The following LYPD3 variants were observed in gnomAD, a reference collection of about 807,000 sequenced individuals.
LYPD3 encodes LY6/PLAUR domain containing 3.
A neutral mutation model predicts 21.7 loss-of-function variants in LYPD3; 22 were observed. That is an observed-to-expected ratio of 1.01 (90% CI 0.72 to 1.45). LYPD3 has a LOEUF of 1.45. Among genes scored for constraint, LYPD3 ranks in the 40% most tolerant of loss-of-function variants. LYPD3 has a pLI of 0.00. For missense variants in LYPD3, 471 were observed against 466.9 expected (o/e 1.01, Z -0.08); for synonymous variants, 179 against 203.0 (o/e 0.88, Z 1.00).
Position 43,463,613 on chromosome 19 carries a change from G to A in LYPD3, c.368C>T (p.Ala123Val), listed in dbSNP as rs1970794542. 3 of 1,601,846 alleles carry A rather than the reference G, an allele frequency of 1.9e-6. No homozygotes were observed. The highest frequency in any genetic ancestry group is 2.5e-6 in the Non-Finnish European group (3 of 1,179,702). ...CNAKLNLTSRALDPAGNESAY... is the reference protein window; with the variant it reads ...CNAKLNLTSRVLDPAGNESAY... The stretch of plus-strand genomic sequence containing the variant: ...CCCCCACGGACCTGCCGGGTCGAGC[G>A]CCCGCGAGGTGAGGTTGAGCTTGGC... The change falls in exon 3 of 5, where the codon GCG becomes GTG. Residue 123 changes from alanine (A) to valine (V), a missense_variant. Ala to Val is a moderately conservative substitution (Grantham distance 64). Transcript: ENST00000244333.
intron 2 of LYPD3, chr19:43,464,106 C>T: frequency 1.4e-6 from 1 of 698,812 alleles, no homozygotes; most frequent in South Asian, 1.9e-5. Context: ...CTCTCCCCGT[C>T]CGCCCCACCC....
In LYPD3 at chr19:43,464,836, G is replaced by GA. The variant is rs569718310; in HGVS notation, c.80-381dup. Among the ~76,000 whole-genome samples, 567 of 152,140 alleles carry GA rather than the reference G, an allele frequency of 3.7e-3. 7 individuals are homozygous for GA. Among genetic ancestry groups the GA allele is most frequent in the Non-Finnish European group, 3.5e-3 (240 of 68,002 alleles). ...CCACAGTAGACTGTGCTCAGTGAGG[G>GA]ATCCCTTCCCACAGCCCCCTTCTGC... is the stretch of plus-strand genomic sequence containing the variant. On this transcript the variant is annotated intron_variant, in intron 1 of 4. Coordinates refer to ENST00000244333, the MANE Select transcript of LYPD3 (RefSeq NM_014400.3).
Position 43,461,305 on chromosome 19 carries a change from C to T in LYPD3, c.*46G>A. ...AGGAAGTGATGAGAAGAGGGGTACC[C>T]AGGGCCAGAGAAGTAGGTGAGAGGG... On this transcript the variant is annotated 3_prime_UTR_variant, in exon 5 of 5. Coordinates refer to ENST00000244333, the MANE Select transcript of LYPD3 (RefSeq NM_014400.3). 1 of 1,519,342 alleles carries T rather than the reference C, an allele frequency of 6.6e-7. No homozygotes were observed. The highest frequency in any genetic ancestry group is 8.8e-7 in the Non-Finnish European group (1 of 1,130,644). The allele number at this position is 1,519,342 out of a possible 1,614,324, so 94.1% of individuals were successfully genotyped here.
At chr19:43,464,490 C>T in intron 1 of LYPD3, 34 bp from the exon 2 acceptor site, 1 of 1,613,242 alleles carries the variant, frequency 6.2e-7, no homozygotes, top group South Asian at 1.1e-5. Flanking sequence ...CCTGAGCCCT[C>T]CTTGCTAAAG....
rs34393417 is a variant in LYPD3, at chr19:43,464,934, C to CT, written c.80-479dup. Among the ~76,000 whole-genome samples the CT allele has an allele frequency of 5.4e-3, 339 of 62,806 alleles. 4 individuals carry two copies. The highest frequency in any genetic ancestry group is 9.5e-3 in the African/African-American group (129 of 13,630). 41.2% of individuals were successfully genotyped at this position (62,806 alleles called of 152,430 possible). A position where few individuals can be genotyped will look rare whatever the true frequency, so the allele number is the denominator to read the frequency against. The stretch of plus-strand genomic sequence containing the variant: ...CACTTTTTTCTTTTTTTCTTTTTTT[C>CT]TTTTTTTTTTTTTTGAGACGGAGTC... On this transcript the variant is annotated intron_variant, in intron 1 of 4. Coordinates refer to ENST00000244333, the MANE Select transcript of LYPD3 (RefSeq NM_014400.3).
intron 1 of LYPD3, among the ~76,000 whole-genome samples, chr19:43,465,118 A>T (rs1970811352): frequency 6.6e-6 from 1 of 151,888 alleles, no homozygotes. Flanking sequence ...TAGTAGAGAC[A>T]GGGTTTCACC....
At chr19:43,464,074 G>T in intron 2 of LYPD3, 1 of 623,738 alleles carries the variant, frequency 1.6e-6, no homozygotes, top group Non-Finnish European at 2.8e-6. Context: ...TGCATAGGAC[G>T]TGACCTCGTT....
Position 43,463,138 on chromosome 19 carries a change from T to C in LYPD3, c.532A>G (p.Thr178Ala). ...VYKGCFDGNV[T>A]LTAANVTVSL... ...GGGGCTCCCTCACCTGCCGTCAAGG[T>C]GACGTTGCCGTCGAAGCAGCCCTTG... Residue 178 changes from threonine (T) to alanine (A), a missense_variant, in exon 4 of 5, where the codon ACC becomes GCC. Transcript: ENST00000244333. 6.2e-7 allele frequency: 1 copy of C among 1,612,142 alleles called. No individual in the cohort carries two copies. The highest frequency in any genetic ancestry group is 8.5e-7 in the Non-Finnish European group (1 of 1,179,982).
rs773589123 is a variant in LYPD3, at chr19:43,464,311, G to A, written c.211+14C>T. On this transcript the variant is annotated intron_variant, in intron 2 of 4. Coordinates refer to ENST00000244333, the MANE Select transcript of LYPD3 (RefSeq NM_014400.3). ...GCCTGCAGTGGTGTGCGTGGCCCGG[G>A]GGTCCCCACTCACTGGTCTCCACCG... The A allele has an allele frequency of 8.2e-6, 13 of 1,594,536 alleles. No homozygotes were observed. The highest frequency in any genetic ancestry group is 1.7e-4 in the Middle Eastern group (1 of 5,932).
chr19:43,463,565 C>G, intron 3 of LYPD3, 34 bp downstream of exon 3: 1 of 1,594,440 alleles, frequency 6.3e-7, no homozygotes, highest in African/African-American at 1.3e-5. Flanking sequence ...GAATGTGGCT[C>G]CGCCCCCGCA....
chr19:43,465,601 C>T lies in LYPD3; in HGVS notation c.-30G>A. 1 of 1,599,730 alleles carries T rather than the reference C, an allele frequency of 6.3e-7. No individual in the cohort carries two copies. Among genetic ancestry groups the T allele is most frequent in the Non-Finnish European group, 8.5e-7 (1 of 1,174,898 alleles). ...CCGTCCTGCTCCCTTGGCGTCCCCC[C>T]TGGATGTGCCGCCTCCGAGCTCGGG... On this transcript the variant is annotated 5_prime_UTR_variant, in exon 1 of 5. Transcript: ENST00000244333.
chr19:43,463,311 A>G, intron 3 of LYPD3, 24 bp from the exon 4 acceptor site: 1 of 1,598,830 alleles, frequency 6.3e-7, no homozygotes, highest in Non-Finnish European at 8.5e-7. Flanking sequence ...CGAGAGGAAG[A>G]AAAGGTGTCG....
chr19:43,465,581 C>T lies in LYPD3; in HGVS notation c.-10G>A. 1 of 1,608,376 alleles carries T rather than the reference C, an allele frequency of 6.2e-7. No individual in the cohort carries two copies. On this transcript the variant is annotated 5_prime_UTR_variant, in exon 1 of 5. Coordinates refer to ENST00000244333, the MANE Select transcript of LYPD3 (RefSeq NM_014400.3). The stretch of plus-strand genomic sequence containing the variant: ...TCCTGGCGGGGTCCATGGCTCCGTC[C>T]TGCTCCCTTGGCGTCCCCCCTGGAT...
Sources: allele counts gnomAD v4.1 joint callset (sites outside exome capture counted in the v4.1 genomes callset), GRCh38; gene constraint gnomAD v4.1.1; transcripts MANE v1.5; gene names NCBI Gene and HGNC (gene_info 2026-07-23, HGNC 2026-07-21).